Variants in KIF16B observed in about 807,000 individuals in gnomAD.
KIF16B encodes the protein kinesin-like protein KIF16B.
Under a neutral mutation model 156.3 loss-of-function variants are expected in KIF16B, and 98 were observed. The ratio of observed to expected loss-of-function variants is 0.63; its 90% CI spans 0.53 to 0.74. The LOEUF (loss-of-function observed/expected upper bound fraction) is 0.74, where lower values mean the gene tolerates loss of function less well. Ranked by LOEUF, KIF16B falls within the 30% of genes least tolerant of loss-of-function variation. KIF16B has a pLI of 0.00. For synonymous variants in KIF16B, 564 were observed against 583.7 expected, an observed-to-expected ratio of 0.97 and a Z score of 0.49; for missense variants, 1,421 against 1,606.5, an observed-to-expected ratio of 0.88 and a Z score of 1.97.
At chr20:16,372,871 T>A (rs2064856644) in intron 20 of KIF16B, among the ~76,000 whole-genome samples, 1 of 152,178 alleles carries the variant, frequency 6.6e-6, no homozygotes, top group Non-Finnish European at 1.5e-5. Context: ...CTAATTTTCA[T>A]ATTTTTAGTA....
chr20:16,410,147 G>C (rs1207512480), intron 15 of KIF16B, among the ~76,000 whole-genome samples: 7 of 131,412 alleles, frequency 5.3e-5, no homozygotes, highest in African/African-American at 1.4e-4. Flanking sequence ...ATATATGTAG[G>C]TACATATACA....
At chr20:16,360,923 C>A (rs1397902786) in intron 22 of KIF16B, among the ~76,000 whole-genome samples, 1 of 152,170 alleles carries the variant, frequency 6.6e-6, no homozygotes, top group Non-Finnish European at 1.5e-5. Flanking sequence ...TCTCAGAGAA[C>A]ATGAAACGGT....
intron 24 of KIF16B, among the ~76,000 whole-genome samples, chr20:16,321,704 A>T (rs2063775472): frequency 6.6e-6 from 1 of 152,076 alleles, no homozygotes; most frequent in South Asian, 2.1e-4. Flanking sequence ...TCAGATGTGC[A>T]GAAGGAAAAT....
intron 22 of KIF16B, chr20:16,368,430 G>C: frequency 2.0e-6 from 2 of 986,624 alleles, no homozygotes; most frequent in Non-Finnish European, 2.4e-6. Flanking sequence ...GTGGGGCTAA[G>C]TGCTTCAGAA....
chr20:16,565,962 G>T (rs1225219711), intron 1 of KIF16B, among the ~76,000 whole-genome samples: 1 of 152,222 alleles, frequency 6.6e-6, no homozygotes, highest in African/African-American at 2.4e-5. Context: ...GTGTGTACAT[G>T]ACGACGTTCC....
In KIF16B at chr20:16,371,699, C is replaced by T. The variant is rs75989969; in HGVS notation, c.3413G>A (p.Ser1138Asn). 2.0e-3 allele frequency: 3,303 copies of T among 1,613,860 alleles called. 51 individuals are homozygous for T. In the African/African-American group the frequency reaches 0.036, roughly 17 times the overall value. Residue 1138 changes from serine (S) to asparagine (N), a missense_variant, in exon 21 of 26, where the codon AGT (serine) becomes AAT (asparagine). Physicochemically the swap from Ser to Asn is conservative, Grantham distance 46 (BLOSUM62 1). Coordinates refer to ENST00000354981, the MANE Select transcript of KIF16B (RefSeq NM_024704.5). The part of the protein sequence containing the change: ...RRLQDLHRVI[S>N]EGCSTSADTM... The stretch of plus-strand genomic sequence containing the variant: ...GTCTGCAGATGTACTGCAGCCTTCA[C>T]TAATCACACGATGCAAATCCTGAAG...
intron 25 of KIF16B, among the ~76,000 whole-genome samples, chr20:16,288,981 G>A (rs2122454712): frequency 6.7e-6 from 1 of 148,770 alleles, no homozygotes; most frequent in Middle Eastern, 3.4e-3. Context: ...CACTTATGAT[G>A]GGATCCCAAT....
chr20:16,485,562 ATG>A (rs2068090768), intron 12 of KIF16B, among the ~76,000 whole-genome samples: 1 of 146,226 alleles, frequency 6.8e-6, no homozygotes, highest in African/African-American at 2.7e-5. Context: ...GTTACAACAC[ATG>A]AAGGATCAAA....
intron 12 of KIF16B, among the ~76,000 whole-genome samples, chr20:16,461,600 C>G (rs1022765131): frequency 1.3e-5 from 2 of 152,086 alleles, no homozygotes; most frequent in African/African-American, 4.8e-5. Flanking sequence ...GATATACAAC[C>G]AGATAGAAGA....
At chr20:16,313,416 C>T (rs2063650722) in intron 24 of KIF16B, among the ~76,000 whole-genome samples, 1 of 152,156 alleles carries the variant, frequency 6.6e-6, no homozygotes, top group Non-Finnish European at 1.5e-5. Context: ...ATATATAATA[C>T]TTTTAAAACA....
intron 17 of KIF16B, 84 bp from the exon 18 acceptor site, chr20:16,381,831 TA>T: frequency 9.0e-7 from 1 of 1,105,118 alleles, no homozygotes. Flanking sequence ...AGTCACATAT[TA>T]AAAAGGGCAT....
At chr20:16,386,825 C>G (rs868248109) in intron 17 of KIF16B, among the ~76,000 whole-genome samples, 1 of 152,146 alleles carries the variant, frequency 6.6e-6, no homozygotes, top group Admixed American at 6.5e-5. Flanking sequence ...TCCTACACCT[C>G]AATTACCTCA....
At chr20:16,351,973 A>G (rs894080458) in intron 23 of KIF16B, among the ~76,000 whole-genome samples, 2 of 152,252 alleles carry the variant, frequency 1.3e-5, no homozygotes, top group Non-Finnish European at 2.9e-5. Flanking sequence ...CTACATGGGT[A>G]AATCTCCAAA....
intron 20 of KIF16B, among the ~76,000 whole-genome samples, chr20:16,373,640 A>G (rs759122822): frequency 1.3e-5 from 2 of 152,204 alleles, no homozygotes; most frequent in Non-Finnish European, 2.9e-5. Flanking sequence ...CTGTCAACAC[A>G]AGGTCCTTCT....
chr20:16,393,309 ACTAC>A (rs371741807), intron 17 of KIF16B, among the ~76,000 whole-genome samples: 24 of 150,040 alleles, frequency 1.6e-4, no homozygotes, highest in African/African-American at 5.6e-4. Flanking sequence ...AATGGGAGTA[ACTAC>A]CTATTTAAAA....
At chr20:16,521,003 C>T (rs1349701956) in intron 3 of KIF16B, among the ~76,000 whole-genome samples, 1 of 152,066 alleles carries the variant, frequency 6.6e-6, no homozygotes, top group Non-Finnish European at 1.5e-5. Context: ...AAAACGACAT[C>T]CACACAAAGG....
At chr20:16,384,168 T>C (rs1050120870) in intron 17 of KIF16B, among the ~76,000 whole-genome samples, 3 of 152,142 alleles carry the variant, frequency 2.0e-5, no homozygotes, top group African/African-American at 7.2e-5. Flanking sequence ...ATATCTAAAG[T>C]GACATTTTAA....
chr20:16,468,643 A>C (rs975438244), intron 12 of KIF16B, among the ~76,000 whole-genome samples: 1 of 151,956 alleles, frequency 6.6e-6, no homozygotes, highest in African/African-American at 2.4e-5. Flanking sequence ...CCAAAACTAC[A>C]AACATTAATG....
chr20:16,427,052 T>C, intron 15 of KIF16B, 52 bp downstream of exon 15: 1 of 1,482,722 alleles, frequency 6.7e-7, no homozygotes, highest in Non-Finnish European at 9.0e-7. Context: ...CCTAGCCAAC[T>C]TGTTTTCTCA....
Sources: allele counts gnomAD v4.1 joint callset (sites outside exome capture counted in the v4.1 genomes callset), GRCh38; gene constraint gnomAD v4.1.1; transcripts MANE v1.5; gene names NCBI Gene and HGNC (gene_info 2026-07-23, HGNC 2026-07-21).